The following DMD variants were observed in gnomAD, a reference collection of about 807,000 sequenced individuals.
The protein encoded by DMD is dystrophin, also known as mutant dystrophin.
DMD carries 63 observed loss-of-function variants against 330.1 expected under a neutral mutation model. The ratio of observed to expected loss-of-function variants is 0.19; its 90% confidence interval spans 0.16 to 0.24. The LOEUF is 0.24. Among genes scored for constraint, DMD ranks in the 10% least tolerant of loss-of-function variants. DMD has a pLI of 1.00. For synonymous variants in DMD, 1,223 were observed against 959.8 expected, an observed-to-expected ratio of 1.27 and a Z score of -5.07; for missense variants, 3,344 against 2,684.1, an observed-to-expected ratio of 1.25 and a Z score of -5.43.
At chrX:31,682,859 A>G (rs1218296118) in intron 52 of DMD, among the ~76,000 whole-genome samples, 1 of 112,320 alleles carries the variant, frequency 8.9e-6, no homozygotes, top group Admixed American at 9.4e-5. Context: ...TCAATAGGGA[A>G]AACAGTCTAT....
chrX:32,029,855 A>G (rs766682650), intron 44 of DMD, among the ~76,000 whole-genome samples: 13 of 111,777 alleles, frequency 1.2e-4, no homozygotes, highest in African/African-American at 3.9e-4. Context: ...CCTTTCCCCC[A>G]TTACAAATAA....
intron 1 of DMD, among the ~76,000 whole-genome samples, chrX:33,258,789 G>A (rs112996251): frequency 4.1e-3 from 453 of 110,808 alleles, no homozygotes; most frequent in African/African-American, 0.014. Flanking sequence ...GCCGCTGATG[G>A]TTTGTTCGGA....
intron 9 of DMD, among the ~76,000 whole-genome samples, chrX:32,658,880 G>A (rs780859679): frequency 8.9e-6 from 1 of 111,947 alleles, no homozygotes; most frequent in Non-Finnish European, 1.9e-5. Context: ...GGAATTTATA[G>A]GTAGTGTGTA....
At chrX:31,587,662 C>T in intron 55 of DMD, among the ~76,000 whole-genome samples, 1 of 111,150 alleles carries the variant, frequency 9.0e-6, no homozygotes, top group East Asian at 2.8e-4. Flanking sequence ...TTTTCTGGGT[C>T]AGCTTTGTTA....
At chrX:32,382,083 C>A (rs2097928308) in intron 33 of DMD, among the ~76,000 whole-genome samples, 1 of 111,229 alleles carries the variant, frequency 9.0e-6, no homozygotes, top group East Asian at 2.8e-4. Context: ...TTCCTTTATT[C>A]TCATTATTTA....
chrX:31,581,380 G>A (rs190744118), intron 55 of DMD, among the ~76,000 whole-genome samples: 9 of 112,094 alleles, frequency 8.0e-5, no homozygotes, highest in East Asian at 2.8e-4. Context: ...AGCACATGTC[G>A]TAGTGTGGCT....
intron 2 of DMD, among the ~76,000 whole-genome samples, chrX:32,947,037 T>G (rs759089072): frequency 3.6e-5 from 4 of 112,475 alleles, no homozygotes; most frequent in African/African-American, 1.3e-4. Context: ...TAAACGCAGC[T>G]GCTTTAACAA....
chrX:31,937,613 G>A (rs1034235017), intron 45 of DMD, among the ~76,000 whole-genome samples: 1 of 111,604 alleles, frequency 9.0e-6, no homozygotes, highest in Non-Finnish European at 1.9e-5. Flanking sequence ...CAAAAGCCTC[G>A]ATTTGAAGTT....
chrX:32,734,791 A>C (rs1483894308), intron 7 of DMD, among the ~76,000 whole-genome samples: 3 of 107,099 alleles, frequency 2.8e-5, no homozygotes, highest in African/African-American at 1.1e-4. Flanking sequence ...ATCTATGACA[A>C]ACCCACAGCC....
In DMD at chrX:31,575,309, T is replaced by C. The variant is rs181959839; in HGVS notation, c.8217+52364A>G. On this transcript the variant is annotated intron_variant, in intron 55 of 78. Coordinates refer to ENST00000357033, the MANE Select transcript of DMD (RefSeq NM_004006.3). Reference sequence around the variant, plus strand: ...TAATATGTGGACTATAAGCTTTCACTATTATTGAACATTTGGCCATATCTA... The same window carrying C: ...TAATATGTGGACTATAAGCTTTCACCATTATTGAACATTTGGCCATATCTA... Among the ~76,000 whole-genome samples the C allele has an allele frequency of 9.2e-3, 1,030 of 111,845 alleles. 4 individuals carry two copies. Among genetic ancestry groups the C allele is most frequent in the Non-Finnish European group, 0.015 (787 of 53,120 alleles).
chrX:31,402,960 G>C (rs1006913337), intron 60 of DMD, among the ~76,000 whole-genome samples: 1 of 111,751 alleles, frequency 8.9e-6, no homozygotes, highest in African/African-American at 3.2e-5. Context: ...AGGTCACTAT[G>C]ATTATTTGGG....
intron 43 of DMD, among the ~76,000 whole-genome samples, chrX:32,224,208 T>C (rs2097140455): frequency 9.0e-6 from 1 of 111,699 alleles, no homozygotes; most frequent in East Asian, 2.8e-4. Context: ...ATGTTATTAA[T>C]ATACAAGGTA....
rs1186232416 is a variant in DMD at position 31,664,057 on chromosome X, C to T, written c.7873-5913G>A. On this transcript the variant is annotated intron_variant, in intron 53 of 78. Transcript: ENST00000357033. ...ATTCTTCCTACGAAAGACAGCATGC[C>T]CTTGACATTGAGCTTGGTCATGCGC... Among the ~76,000 whole-genome samples, 6 of 111,646 alleles carry T rather than the reference C, an allele frequency of 5.4e-5. No individual in the cohort carries two copies. In the Admixed American group the frequency reaches 5.7e-4, roughly 11 times the overall value.
intron 1 of DMD, among the ~76,000 whole-genome samples, chrX:33,196,239 G>T (rs1350824776): frequency 1.8e-5 from 2 of 111,794 alleles, no homozygotes; most frequent in African/African-American, 6.5e-5. Context: ...ATGAACCAAA[G>T]TTATTTTATT....
chrX:33,258,370 C>T (rs1042985860), intron 1 of DMD, among the ~76,000 whole-genome samples: 1 of 111,179 alleles, frequency 9.0e-6, no homozygotes, highest in African/African-American at 3.2e-5. Flanking sequence ...TATTTTCACA[C>T]AGTTACCTGA....
At chrX:32,801,812 T>TG (rs1474169370) in intron 7 of DMD, among the ~76,000 whole-genome samples, 1 of 111,452 alleles carries the variant, frequency 9.0e-6, no homozygotes, top group Non-Finnish European at 1.9e-5. Flanking sequence ...AAAGATCAGA[T>TG]GGTTGTAGAT....
intron 59 of DMD, among the ~76,000 whole-genome samples, chrX:31,474,164 C>T (rs183175178): frequency 1.8e-4 from 20 of 111,641 alleles, no homozygotes; most frequent in African/African-American, 5.2e-4. Flanking sequence ...GTTCACCACC[C>T]GCAGATGATC....
At chrX:33,115,258 A>G (rs1263264119) in intron 1 of DMD, among the ~76,000 whole-genome samples, 1 of 111,722 alleles carries the variant, frequency 9.0e-6, no homozygotes, top group Non-Finnish European at 1.9e-5. Flanking sequence ...AGGGATATAC[A>G]CTCCACATAT....
At chrX:31,679,137 G>C (rs1031607944) in intron 53 of DMD, among the ~76,000 whole-genome samples, 3 of 111,288 alleles carry the variant, frequency 2.7e-5, no homozygotes, top group Non-Finnish European at 5.7e-5. Context: ...CAGGAGGACT[G>C]CTTGAGCCCC....
Sources: gnomAD v4.1 joint callset for allele counts (sites outside exome capture counted in the v4.1 genomes callset) on GRCh38, gnomAD v4.1.1 for gene constraint, MANE v1.5 for transcripts, NCBI Gene and HGNC (gene_info 2026-07-23, HGNC 2026-07-21) for gene names.